LRRC42: variants seen among roughly 807,000 people sequenced by gnomAD.
The protein encoded by LRRC42 is leucine-rich repeat-containing protein 42.
Under a neutral mutation model 44.3 loss-of-function variants are expected in LRRC42, and 43 were observed. That is an observed-to-expected ratio of 0.97 (90% CI 0.76 to 1.25). The LOEUF is 1.25. Among genes scored for constraint, LRRC42 ranks in the 50% most tolerant of loss-of-function variants. The pLI, the probability that LRRC42 is intolerant of heterozygous loss-of-function variation, is 0.00. For synonymous variants in LRRC42, 207 were observed against 195.2 expected (o/e 1.06, Z -0.50); for missense variants, 540 against 509.1 (o/e 1.06, Z -0.58).
intron 2 of LRRC42, among the ~76,000 whole-genome samples, chr1:53,948,736 G>T (rs554066803): frequency 4.7e-4 from 71 of 152,284 alleles, no homozygotes; most frequent in African/African-American, 1.6e-3. Context: ...TCCTGACCAG[G>T]TCCATTTGTA....
chr1:53,947,366 G>C (rs905998679), intron 1 of LRRC42, among the ~76,000 whole-genome samples: 2 of 152,020 alleles, frequency 1.3e-5, no homozygotes, highest in Non-Finnish European at 2.9e-5. Flanking sequence ...GGGAAGTAGG[G>C]AGCCTGAAAG....
intron 3 of LRRC42, among the ~76,000 whole-genome samples, chr1:53,957,527 C>T (rs2100924409): frequency 6.6e-6 from 1 of 152,326 alleles, no homozygotes; most frequent in East Asian, 1.9e-4. Flanking sequence ...AATTAAGTTG[C>T]TCGTGCTCAG....
intron 2 of LRRC42, chr1:53,948,062 G>T (rs1654573555): frequency 6.6e-6 from 1 of 152,150 alleles, no homozygotes; most frequent in Non-Finnish European, 1.5e-5. Context: ...GATTACATGA[G>T]ATCATTTTAT....
At chr1:53,950,555 T>C (rs1323226734) in intron 2 of LRRC42, among the ~76,000 whole-genome samples, 5 of 152,226 alleles carry the variant, frequency 3.3e-5, no homozygotes, top group Admixed American at 1.3e-4. Flanking sequence ...TGGCCCCACA[T>C]TGATGCAGAA....
chr1:53,953,886 C>G (rs1654761095), intron 3 of LRRC42, among the ~76,000 whole-genome samples: 1 of 152,108 alleles, frequency 6.6e-6, no homozygotes, highest in Non-Finnish European at 1.5e-5. Flanking sequence ...TGCCCACCAC[C>G]ATGCCTGGCT....
chr1:53,953,145 A>G (rs1277437998), intron 3 of LRRC42, among the ~76,000 whole-genome samples: 2 of 152,376 alleles, frequency 1.3e-5, no homozygotes, highest in South Asian at 2.1e-4. Flanking sequence ...AAAATGAAAC[A>G]TAAGCCTTCT....
rs774771453 is a variant in LRRC42, at chr1:53,967,984, T to C, written c.*45T>C. 1 of 1,582,518 alleles carries C rather than the reference T, an allele frequency of 6.3e-7. No individual in the cohort carries two copies. Among genetic ancestry groups the C allele is most frequent in the Non-Finnish European group, 8.6e-7 (1 of 1,161,788 alleles). On this transcript the variant is annotated 3_prime_UTR_variant, in exon 9 of 9. Transcript: ENST00000371370. ...CTTTCTCTGGCCCCCAGCTCTAGTG[T>C]TTGAGTAAAGGAGACTGAGGATGAT...
intron 8 of LRRC42, 29 bp from the exon 9 acceptor site, chr1:53,967,636 G>T: frequency 6.2e-7 from 1 of 1,608,140 alleles, no homozygotes. Context: ...CCAGTGTAGT[G>T]AACTCATCAT....
chr1:53,954,811 T>TGTA (rs966198913), intron 3 of LRRC42, among the ~76,000 whole-genome samples: 3 of 152,240 alleles, frequency 2.0e-5, no homozygotes, highest in Non-Finnish European at 4.4e-5. Context: ...CATAAATTAG[T>TGTA]GTAGCATTTC....
chr1:53,953,523 G>C (rs1569827854), intron 3 of LRRC42, among the ~76,000 whole-genome samples: 1 of 151,946 alleles, frequency 6.6e-6, no homozygotes, highest in Admixed American at 6.6e-5. Context: ...ACCATGCCCA[G>C]CTAATTTTTG....
At position 53,952,219 on chromosome 1, in the gene LRRC42, T is replaced by C. The variant is rs1228753283; in HGVS notation, c.220T>C (p.Phe74Leu). 2 of 1,614,262 alleles carry C rather than the reference T, an allele frequency of 1.2e-6. No homozygotes were observed. The highest frequency in any genetic ancestry group is 1.6e-4 in the Middle Eastern group (1 of 6,062). ...GAAAGAGAAGACTGATCATTTCATC[T>C]TCACATACACCCGAGAGGGGAATCT... ...ARKEKTDHFI[F>L]TYTREGNLRY... The change falls in exon 3 of 9, where the codon TTC becomes CTC. Residue 74 changes from phenylalanine to leucine, a missense_variant. Coordinates refer to ENST00000371370, the MANE Select transcript of LRRC42 (RefSeq NM_001256409.2).
chr1:53,965,625 G>A (rs1170797955), intron 7 of LRRC42, among the ~76,000 whole-genome samples: 3 of 151,454 alleles, frequency 2.0e-5, no homozygotes, highest in South Asian at 2.1e-4. Flanking sequence ...GACTACAGGC[G>A]CCTGCCCAGC....
chr1:53,960,257 A>G (rs1654957881), intron 4 of LRRC42, 99 bp from the exon 5 acceptor site: 1 of 808,442 alleles, frequency 1.2e-6, no homozygotes, highest in African/African-American at 1.7e-5. Context: ...GGTAGAGGAT[A>G]TGTTATATTT....
rs933373719 is a variant in LRRC42, at chr1:53,962,056, A to G, written c.747A>G (p.Ala249=). 3 of 1,613,546 alleles carry G rather than the reference A, an allele frequency of 1.9e-6. No individual in the cohort carries two copies. Among genetic ancestry groups the G allele is most frequent in the Non-Finnish European group, 2.5e-6 (3 of 1,179,492 alleles). The part of the protein sequence containing the change: ...DLSCNPEITD[A]GIGYLFSFRK... ...TAGGTAACCCTGAGATCACAGATGC[A>G]GGCATTGGATACCTCTTTTCTTTTA... Residue 249 remains alanine (A), a synonymous_variant, in exon 6 of 9, where the codon GCA becomes GCG. Transcript: ENST00000371370.
At chr1:53,958,873 A>G (rs1312771736) in intron 4 of LRRC42, among the ~76,000 whole-genome samples, 1 of 150,598 alleles carries the variant, frequency 6.6e-6, no homozygotes. Flanking sequence ...GGCGTCAGCC[A>G]CTGCGCCTGG....
At chr1:53,948,877 A>G (rs997134073) in intron 2 of LRRC42, among the ~76,000 whole-genome samples, 1 of 152,214 alleles carries the variant, frequency 6.6e-6, no homozygotes, top group African/African-American at 2.4e-5. Context: ...GTCATGTTAC[A>G]TACCTCATAG....
At chr1:53,966,608 T>A (rs1274208139) in intron 8 of LRRC42, among the ~76,000 whole-genome samples, 1 of 152,172 alleles carries the variant, frequency 6.6e-6, no homozygotes, top group African/African-American at 2.4e-5. Flanking sequence ...TACCATCTTG[T>A]TCCAAAAAAG....
chr1:53,963,943 G>GCCC (rs150179105), intron 7 of LRRC42, among the ~76,000 whole-genome samples: 15 of 43,772 alleles, frequency 3.4e-4, no homozygotes, highest in African/African-American at 7.3e-4. Flanking sequence ...TTCCCCTCCT[G>GCCC]CCCACCCCCC....
intron 5 of LRRC42, among the ~76,000 whole-genome samples, chr1:53,961,181 G>A (rs1429773178): frequency 1.3e-5 from 2 of 152,062 alleles, no homozygotes; most frequent in East Asian, 1.9e-4. Flanking sequence ...AGGCCGAGGC[G>A]GGCAGATCAC....
Sources: gnomAD v4.1 joint callset for allele counts (sites outside exome capture counted in the v4.1 genomes callset) on GRCh38, gnomAD v4.1.1 for gene constraint, MANE v1.5 for transcripts, NCBI Gene and HGNC (gene_info 2026-07-23, HGNC 2026-07-21) for gene names.